Variants in GSE1 observed in about 807,000 individuals in gnomAD.
GSE1 encodes the protein genetic suppressor element 1.
GSE1 carries 32 observed loss-of-function variants against 112.6 expected under a neutral mutation model. The observed-to-expected ratio is 0.28, with a 90% CI of 0.21 to 0.38. GSE1 has a LOEUF of 0.38. GSE1 is among the 10% of genes least tolerant of loss of function. The pLI, the probability that GSE1 is intolerant of heterozygous loss-of-function variation, is 1.00. For missense variants in GSE1, 2,348 were observed against 1,699.2 expected, an observed-to-expected ratio of 1.38 and a Z score of -6.71; for synonymous variants, 1,115 against 735.6, an observed-to-expected ratio of 1.52 and a Z score of -8.35.
At chr16:85,255,344 G>C (rs1433683049) in intron 1 of GSE1, among the ~76,000 whole-genome samples, 1 of 152,036 alleles carries the variant, frequency 6.6e-6, no homozygotes. Flanking sequence ...TGTGGTCCAG[G>C]ACCACTGATG....
chr16:85,500,754 A>G (rs2051333221), intron 2 of GSE1, among the ~76,000 whole-genome samples: 1 of 152,184 alleles, frequency 6.6e-6, no homozygotes, highest in Non-Finnish European at 1.5e-5. Flanking sequence ...GGCTTGAAAC[A>G]ACAGAAATGT....
intron 2 of GSE1, among the ~76,000 whole-genome samples, chr16:85,545,500 T>C (rs919027584): frequency 1.3e-5 from 2 of 151,898 alleles, no homozygotes; most frequent in African/African-American, 4.8e-5. Context: ...GATGAGAGAG[T>C]TGAAAATACA....
At chr16:85,170,656 C>G (rs1217192508) in exon 1 of GSE1, 1 of 985,642 alleles carries the variant, frequency 1.0e-6, no homozygotes, top group Non-Finnish European at 1.2e-6. Context: ...CCCGCTGTCC[C>G]CGGCCTCGCA....
intron 1 of GSE1, among the ~76,000 whole-genome samples, chr16:85,240,980 C>G (rs563115416): frequency 6.4e-4 from 98 of 152,308 alleles, no homozygotes; most frequent in African/African-American, 2.3e-3. Context: ...AGCTGCCACC[C>G]TAGGCCTTGG....
intron 1 of GSE1, among the ~76,000 whole-genome samples, chr16:85,629,975 GT>G (rs1434099162): frequency 6.6e-6 from 1 of 152,192 alleles, no homozygotes; most frequent in African/African-American, 2.4e-5. Flanking sequence ...TAGCTGGGTG[GT>G]TCTGGCTCAG....
intron 1 of GSE1, among the ~76,000 whole-genome samples, chr16:85,591,139 T>G (rs1046584438): frequency 6.6e-6 from 1 of 152,172 alleles, no homozygotes; most frequent in Non-Finnish European, 1.5e-5. Context: ...GGTGGCAAAA[T>G]TGGGGTCCTT....
intron 1 of GSE1, among the ~76,000 whole-genome samples, chr16:85,342,285 A>G (rs1264308226): frequency 6.6e-6 from 1 of 152,166 alleles, no homozygotes; most frequent in East Asian, 1.9e-4. Context: ...AATTAGAGCT[A>G]TTTTTATGTT....
intron 1 of GSE1, among the ~76,000 whole-genome samples, chr16:85,179,647 G>T (rs182812597): frequency 6.6e-6 from 1 of 152,296 alleles, no homozygotes; most frequent in East Asian, 1.9e-4. Flanking sequence ...ACTCCTTGAA[G>T]CCCTGTTTCA....
intron 2 of GSE1, among the ~76,000 whole-genome samples, chr16:85,638,459 G>A (rs1051384305): frequency 3.7e-4 from 56 of 152,340 alleles, no homozygotes; most frequent in African/African-American, 1.3e-3. Context: ...GCGAATCGCC[G>A]ATGCATGCCC....
intron 2 of GSE1, among the ~76,000 whole-genome samples, chr16:85,485,511 C>T (rs1427791563): frequency 6.6e-6 from 1 of 152,252 alleles, no homozygotes; most frequent in Non-Finnish European, 1.5e-5. Flanking sequence ...TGGCGCCTGC[C>T]GCCTGCCGTT....
chr16:85,389,216 T>G (rs2047775510), intron 2 of GSE1, among the ~76,000 whole-genome samples: 1 of 152,066 alleles, frequency 6.6e-6, no homozygotes, highest in African/African-American at 2.4e-5. Flanking sequence ...TCCCAGCACT[T>G]TGGGAGGCCA....
At chr16:85,335,237 C>T (rs1174788107) in intron 1 of GSE1, among the ~76,000 whole-genome samples, 2 of 152,248 alleles carry the variant, frequency 1.3e-5, no homozygotes, top group African/African-American at 4.8e-5. Context: ...AGCTCTGAGC[C>T]CGGGGGTGAG....
intron 8 of GSE1, 74 bp from the exon 9 acceptor site, chr16:85,661,072 C>A: frequency 7.0e-7 from 1 of 1,418,790 alleles, no homozygotes. Context: ...TTAGGAGCGG[C>A]AGGCAGCCAG....
intron 2 of GSE1, among the ~76,000 whole-genome samples, chr16:85,457,695 C>G (rs916709223): frequency 1.3e-5 from 2 of 152,186 alleles, no homozygotes; most frequent in African/African-American, 4.8e-5. Flanking sequence ...GGTGATTGCA[C>G]CCCCACCCTC....
chr16:85,186,511 G>A (rs1377151620), intron 1 of GSE1, among the ~76,000 whole-genome samples: 1 of 152,064 alleles, frequency 6.6e-6, no homozygotes, highest in Non-Finnish European at 1.5e-5. Context: ...GCTGAGGCAG[G>A]AGAATTGCTT....
At chr16:85,294,168 C>T (rs1401885975) in intron 1 of GSE1, among the ~76,000 whole-genome samples, 1 of 152,194 alleles carries the variant, frequency 6.6e-6, no homozygotes. Flanking sequence ...AGATGAGATC[C>T]CCGGGGTCCC....
chr16:85,261,920 G>A (rs371701424), intron 1 of GSE1, among the ~76,000 whole-genome samples: 1 of 152,152 alleles, frequency 6.6e-6, no homozygotes, highest in African/African-American at 2.4e-5. Flanking sequence ...TGTGTATCCT[G>A]AGATATGTGT....
intron 2 of GSE1, among the ~76,000 whole-genome samples, chr16:85,365,534 C>T (rs930592577): frequency 2.0e-5 from 3 of 152,314 alleles, no homozygotes; most frequent in Non-Finnish European, 2.9e-5. Flanking sequence ...AGCCCCTCAA[C>T]CTGAGGCTGA....
At chr16:85,187,338 G>T (rs943326451) in intron 1 of GSE1, among the ~76,000 whole-genome samples, 1 of 152,262 alleles carries the variant, frequency 6.6e-6, no homozygotes, top group Non-Finnish European at 1.5e-5. Context: ...ACAGAGCGAC[G>T]CTGGGCAGTG....
Sources: gnomAD v4.1 joint callset for allele counts (sites outside exome capture counted in the v4.1 genomes callset) on GRCh38, gnomAD v4.1.1 for gene constraint, MANE v1.5 for transcripts, NCBI Gene and HGNC (gene_info 2026-07-23, HGNC 2026-07-21) for gene names.